ZNF253: variants seen among roughly 807,000 people sequenced by gnomAD.
ZNF253 encodes the protein zinc finger protein 253, also known as DNA-binding protein.
In ZNF253, 8 loss-of-function variants were observed where a neutral mutation model predicts 11.9. The observed-to-expected ratio is 0.67, with a 90% CI of 0.40 to 1.22. The LOEUF (loss-of-function observed/expected upper bound fraction) is 1.22. Ranked by LOEUF, ZNF253 falls within the 50% of genes most tolerant of loss-of-function variation. ZNF253 has a pLI of 0.01. For missense variants in ZNF253, 485 were observed against 586.9 expected, an observed-to-expected ratio of 0.83 and a Z score of 1.79; for synonymous variants, 194 against 194.9, an observed-to-expected ratio of 1.00 and a Z score of 0.04.
intron 3 of ZNF253, among the ~76,000 whole-genome samples, chr19:19,887,594 A>G (rs2063211427): frequency 6.6e-6 from 1 of 152,032 alleles, no homozygotes; most frequent in Non-Finnish European, 1.5e-5. Context: ...TACATTTTAT[A>G]AAATATGACA....
intron 3 of ZNF253, among the ~76,000 whole-genome samples, chr19:19,888,135 C>G (rs1197550108): frequency 1.3e-5 from 2 of 150,662 alleles, no homozygotes; most frequent in Non-Finnish European, 3.0e-5. Context: ...ACAATGTTGG[C>G]TCACTGCAAC....
chr19:19,888,707 AT>A (rs1454573464), intron 3 of ZNF253, among the ~76,000 whole-genome samples: 1 of 149,794 alleles, frequency 6.7e-6, no homozygotes, highest in Non-Finnish European at 1.5e-5. Context: ...CATCTTTTGC[AT>A]TTTAGAGAAT....
chr19:19,890,612 TC>T (rs1449135880), intron 3 of ZNF253, among the ~76,000 whole-genome samples: 258 of 150,820 alleles, frequency 1.7e-3, no homozygotes, highest in Non-Finnish European at 1.6e-3. Flanking sequence ...AATCTCCGTC[TC>T]CACAGTTGAA....
intron 1 of ZNF253, among the ~76,000 whole-genome samples, chr19:19,878,111 G>T (rs541529799): frequency 7.0e-4 from 107 of 152,136 alleles, no homozygotes; most frequent in Non-Finnish European, 1.2e-3. Context: ...TCAGCTTATT[G>T]TGTATATTAA....
Position 19,880,044 on chromosome 19 carries a change from A to G in ZNF253, c.131-7A>G, listed in dbSNP as rs2063170783. ...AAGATTCATGTTATTTATTTTTAATAAAACAGGTATTGTTGTCTCTAAGCC... is the reference window on the plus strand; with the variant it reads ...AAGATTCATGTTATTTATTTTTAATGAAACAGGTATTGTTGTCTCTAAGCC... On this transcript the variant is annotated splice_region_variant and splice_polypyrimidine_tract_variant and intron_variant, in intron 2 of 3. Transcript: ENST00000589717. 1 of 1,597,764 alleles carries G rather than the reference A, an allele frequency of 6.3e-7. No individual in the cohort carries two copies. The highest frequency in any genetic ancestry group is 8.5e-7 in the Non-Finnish European group (1 of 1,170,282).
intron 3 of ZNF253, among the ~76,000 whole-genome samples, 162 bp from the exon 4 acceptor site, chr19:19,891,312 A>G (rs1306017446): frequency 6.6e-6 from 1 of 151,990 alleles, no homozygotes; most frequent in African/African-American, 2.4e-5. Flanking sequence ...TTTTGTCACT[A>G]TGTTTTTGTT....
chr19:19,878,277 G>A (rs995971111), intron 1 of ZNF253, among the ~76,000 whole-genome samples: 4 of 152,066 alleles, frequency 2.6e-5, no homozygotes, highest in African/African-American at 9.7e-5. Context: ...ATAAACTGAT[G>A]TTATGGATCT....
intron 1 of ZNF253, among the ~76,000 whole-genome samples, chr19:19,873,681 A>G (rs1453313005): frequency 6.6e-6 from 1 of 152,148 alleles, no homozygotes; most frequent in Non-Finnish European, 1.5e-5. Flanking sequence ...GTATTTCCTT[A>G]CATCTCATAT....
intron 1 of ZNF253, among the ~76,000 whole-genome samples, chr19:19,866,388 CA>C (rs1599547386): frequency 6.6e-6 from 1 of 151,962 alleles, no homozygotes; most frequent in Admixed American, 6.5e-5. Flanking sequence ...CAACACAAAA[CA>C]AAAAACTACC....
chr19:19,891,811 T>C lies in ZNF253; in HGVS notation c.564T>C (p.Thr188=). 1 of 1,614,172 alleles carries C rather than the reference T, an allele frequency of 6.2e-7. No individual in the cohort carries two copies. Among genetic ancestry groups the C allele is most frequent in the Non-Finnish European group, 8.5e-7 (1 of 1,180,020 alleles). The change falls in exon 4 of 4, where the codon ACT becomes ACC. Residue 188 remains threonine (T), a synonymous_variant. Coordinates refer to ENST00000589717, the MANE Select transcript of ZNF253 (RefSeq NM_021047.3). ...GKAFKRSSTL[T]THKKIHTGEK... ...CTTTTAAACGGTCCTCAACCCTTAC[T>C]ACACATAAGAAAATTCATACTGGAG...
At chr19:19,890,832 ATTTTTTTTTTTTT>A (rs770757608) in intron 3 of ZNF253, among the ~76,000 whole-genome samples, 2 of 76,850 alleles carry the variant, frequency 2.6e-5, no homozygotes, top group South Asian at 4.8e-4. Context: ...CAACAATTTA[ATTTTTTTTTTTTT>A]TTTTTTTTTT....
chr19:19,891,035 T>G (rs909443107), intron 3 of ZNF253, among the ~76,000 whole-genome samples: 1 of 151,510 alleles, frequency 6.6e-6, no homozygotes, highest in Non-Finnish European at 1.5e-5. Context: ...AGAGACAAGG[T>G]TTCACCATCT....
intron 3 of ZNF253, among the ~76,000 whole-genome samples, chr19:19,890,891 G>C (rs902829751): frequency 6.9e-6 from 1 of 143,886 alleles, no homozygotes; most frequent in Non-Finnish European, 1.5e-5. Flanking sequence ...GCCCAGGCTG[G>C]AGTGCAGTGG....
In ZNF253 at chr19:19,872,861, G is replaced by C. The variant is rs1384812204; in HGVS notation, c.4-5620G>C. On this transcript the variant is annotated intron_variant, in intron 1 of 3. Transcript: ENST00000589717. ...TAGAATGTGCTAGAGCAGCCTCTAT[G>C]AGGGGATCTTTTCTTTGATTGTATT... is the stretch of plus-strand genomic sequence containing the variant. 2.0e-5 allele frequency among the ~76,000 whole-genome samples: 3 copies of C among 151,848 alleles called. No homozygotes were observed. The East Asian group carries it at 5.8e-4, about 29-fold the overall frequency.
Position 19,891,509 on chromosome 19 carries a change from G to C in ZNF253, c.262G>C (p.Glu88Gln). Residue 88 changes from glutamate (E) to glutamine (Q), a missense_variant, in exon 4 of 4, where the codon GAG (glutamate) becomes CAG (glutamine). Glu to Gln is a conservative substitution (Grantham distance 29). Transcript: ENST00000589717. ...SSHFAQDLWP[E>Q]NIQNSFQIGM... The stretch of plus-strand genomic sequence containing the variant: ...TCATTTTGCCCAAGACCTTTGGCCA[G>C]AGAACATACAAAATTCTTTCCAAAT... The C allele has an allele frequency of 6.2e-7, 1 of 1,609,984 alleles. No individual in the cohort carries two copies. The highest frequency in any genetic ancestry group is 2.2e-5 in the East Asian group (1 of 44,794).
At chr19:19,880,272 T>TG (rs2063172164) in intron 3 of ZNF253, 126 bp downstream of exon 3, 1 of 502,124 alleles carries the variant, frequency 2.0e-6, no homozygotes, top group Non-Finnish European at 3.2e-6. Flanking sequence ...CCTGGGCAGC[T>TG]GTTTTTTTTT....
chr19:19,888,064 T>G (rs2063213693), intron 3 of ZNF253, among the ~76,000 whole-genome samples: 1 of 151,908 alleles, frequency 6.6e-6, no homozygotes, highest in African/African-American at 2.4e-5. Context: ...GTTATCTATT[T>G]ATTTATTTAT....
Position 19,892,096 on chromosome 19 carries a change from C to G in ZNF253, c.849C>G (p.Pro283=), listed in dbSNP as rs747345806. The G allele has an allele frequency of 1.2e-6, 2 of 1,613,748 alleles. No homozygotes were observed. Among genetic ancestry groups the G allele is most frequent in the Admixed American group, 3.3e-5 (2 of 60,004 alleles). Residue 283 remains proline (P), a synonymous_variant, in exon 4 of 4, where the codon CCC becomes CCG. Transcript: ENST00000589717. ...AGATAGTTCATACTGGAGAGAAACC[C>G]TACAAATGTGAAGAATGTGGCAAAG... ...THKIVHTGEK[P]YKCEECGKAF...
chr19:19,880,273 GTTTTTTT>G, intron 3 of ZNF253, 127 bp downstream of exon 3: 8 of 203,680 alleles, frequency 3.9e-5, no homozygotes, highest in Admixed American at 7.7e-5. Flanking sequence ...CTGGGCAGCT[GTTTTTTT>G]TTTTTTTTTT....
Sources: allele counts gnomAD v4.1 joint callset (sites outside exome capture counted in the v4.1 genomes callset), GRCh38; gene constraint gnomAD v4.1.1; transcripts MANE v1.5; gene names NCBI Gene and HGNC (gene_info 2026-07-23, HGNC 2026-07-21).